Variants in BASP1 observed in about 807,000 individuals in gnomAD.
BASP1 encodes the protein brain acid soluble protein 1.
A neutral mutation model predicts 2.2 loss-of-function variants in BASP1; 1 was observed. That is an observed-to-expected ratio of 0.46 (90% CI 0.16 to 2.17). The LOEUF is 2.17. Ranked by LOEUF, BASP1 falls within the 30% of genes most tolerant of loss-of-function variation. The pLI is 0.27. For missense variants in BASP1, 352 were observed against 327.2 expected, an observed-to-expected ratio of 1.08 and a Z score of -0.58; for synonymous variants, 187 against 154.2, an observed-to-expected ratio of 1.21 and a Z score of -1.58.
intron 1 of BASP1, among the ~76,000 whole-genome samples, chr5:17,221,596 T>A (rs1579478063): frequency 6.6e-6 from 1 of 152,280 alleles, no homozygotes. Flanking sequence ...ACTGAGTAGA[T>A]ATATAGACAA....
At chr5:17,271,080 T>C (rs1740520434) in intron 1 of BASP1, among the ~76,000 whole-genome samples, 1 of 152,240 alleles carries the variant, frequency 6.6e-6, no homozygotes, top group Admixed American at 6.5e-5. Flanking sequence ...CCTGTCATTT[T>C]CGCCCTTGTG....
intron 1 of BASP1, among the ~76,000 whole-genome samples, chr5:17,254,861 C>T (rs1053034083): frequency 6.6e-6 from 1 of 152,120 alleles, no homozygotes; most frequent in African/African-American, 2.4e-5. Flanking sequence ...GTTGGATATC[C>T]TTATTGCAAG....
At chr5:17,265,845 C>T (rs540025450) in intron 1 of BASP1, among the ~76,000 whole-genome samples, 2 of 152,310 alleles carry the variant, frequency 1.3e-5, no homozygotes, top group East Asian at 3.9e-4. Context: ...TCTTTAAATA[C>T]TGCAGGAGTC....
intron 1 of BASP1, among the ~76,000 whole-genome samples, chr5:17,252,162 T>TG (rs1467610395): frequency 1.3e-5 from 2 of 152,172 alleles, no homozygotes; most frequent in African/African-American, 2.4e-5. Context: ...AAGCTGTGAC[T>TG]GGGGAGTAAG....
At chr5:17,268,319 A>G (rs988435549) in intron 1 of BASP1, among the ~76,000 whole-genome samples, 1 of 152,062 alleles carries the variant, frequency 6.6e-6, no homozygotes, top group Non-Finnish European at 1.5e-5. Flanking sequence ...TTTGCTATCT[A>G]CTCTTCCACC....
At chr5:17,227,928 C>A (rs1739549637) in intron 1 of BASP1, among the ~76,000 whole-genome samples, 1 of 152,152 alleles carries the variant, frequency 6.6e-6, no homozygotes, top group East Asian at 1.9e-4. Context: ...ACTTTAGAAA[C>A]CTGGTTCCAG....
intron 1 of BASP1, among the ~76,000 whole-genome samples, chr5:17,257,166 C>G (rs1297530709): frequency 1.3e-5 from 2 of 152,126 alleles, no homozygotes; most frequent in Non-Finnish European, 2.9e-5. Context: ...ATTTGTATTC[C>G]TGGATGGCAT....
chr5:17,253,187 T>C (rs1455498408), intron 1 of BASP1, among the ~76,000 whole-genome samples: 1 of 152,226 alleles, frequency 6.6e-6, no homozygotes, highest in Non-Finnish European at 1.5e-5. Context: ...AGGACTTATC[T>C]CTGTAATGAT....
intron 1 of BASP1, among the ~76,000 whole-genome samples, chr5:17,221,396 A>G (rs1032144949): frequency 7.3e-5 from 11 of 150,228 alleles, no homozygotes; most frequent in African/African-American, 2.4e-4. Flanking sequence ...AAATATCCAA[A>G]GAAGACCTGT....
At chr5:17,218,269 T>A (rs1324637127) in intron 1 of BASP1, among the ~76,000 whole-genome samples, 1 of 4,016 alleles carries the variant, frequency 2.5e-4, no homozygotes, top group Non-Finnish European at 4.6e-4. Flanking sequence ...CAGCCAAAGA[T>A]GGAGGGTGGG....
intron 1 of BASP1, among the ~76,000 whole-genome samples, chr5:17,253,957 C>T (rs2937755): frequency 0.2 from 30,227 of 151,434 alleles, 3,322 homozygotes; most frequent in East Asian, 0.4. Context: ...AAAAGATGTA[C>T]GTAGCTATTT....
chr5:17,220,220 A>G (rs1739370297), intron 1 of BASP1, among the ~76,000 whole-genome samples: 2 of 152,128 alleles, frequency 1.3e-5, no homozygotes. Context: ...TTAATATATC[A>G]GGGCCCATCT....
intron 1 of BASP1, among the ~76,000 whole-genome samples, chr5:17,228,004 T>C (rs1223735497): frequency 3.3e-5 from 5 of 152,212 alleles, no homozygotes; most frequent in Non-Finnish European, 7.3e-5. Flanking sequence ...CTCCAGAAGG[T>C]TGTTAAGACA....
chr5:17,240,166 A>ATAAATAAT (rs1027606785), intron 1 of BASP1, among the ~76,000 whole-genome samples: 58 of 147,286 alleles, frequency 3.9e-4, no homozygotes, highest in African/African-American at 1.4e-3. Flanking sequence ...AAATAAATAA[A>ATAAATAAT]TAACAGGTTG....
rs192152760 is a variant in BASP1, at chr5:17,262,567, A to G, written c.-9-12641A>G. On this transcript the variant is annotated intron_variant, in intron 1 of 1. Coordinates refer to ENST00000322611, the MANE Select transcript of BASP1 (RefSeq NM_006317.5). Reference sequence around the variant, plus strand: ...TTGATATGTGTAAAGATAAGTATCAAAACAGTCTTATGCTGAGTGTATATG... The same window carrying G: ...TTGATATGTGTAAAGATAAGTATCAGAACAGTCTTATGCTGAGTGTATATG... Among the ~76,000 whole-genome samples the G allele has an allele frequency of 4.0e-3, 603 of 152,358 alleles. 4 individuals carry two copies. Among genetic ancestry groups the G allele is most frequent in the African/African-American group, 0.014 (571 of 41,586 alleles).
intron 1 of BASP1, among the ~76,000 whole-genome samples, chr5:17,226,912 C>A (rs1423740170): frequency 6.7e-6 from 1 of 149,814 alleles, no homozygotes; most frequent in Non-Finnish European, 1.5e-5. Context: ...CTGGAATCTT[C>A]TCTGAATAAC....
At chr5:17,241,331 C>T (rs958030523) in intron 1 of BASP1, among the ~76,000 whole-genome samples, 1 of 152,094 alleles carries the variant, frequency 6.6e-6, no homozygotes, top group Non-Finnish European at 1.5e-5. Flanking sequence ...AACTCCAGGC[C>T]TCAAGTGATC....
At chr5:17,246,849 A>G (rs921124895) in intron 1 of BASP1, among the ~76,000 whole-genome samples, 1 of 152,158 alleles carries the variant, frequency 6.6e-6, no homozygotes, top group Non-Finnish European at 1.5e-5. Context: ...GGCAGTGACC[A>G]TTGAGAATCA....
intron 1 of BASP1, among the ~76,000 whole-genome samples, chr5:17,229,751 G>A (rs1265566679): frequency 6.6e-6 from 1 of 150,916 alleles, no homozygotes; most frequent in African/African-American, 2.4e-5. Flanking sequence ...TCTGCAGGCT[G>A]GAAGTCCAAG....
Sources: gnomAD v4.1 joint callset for allele counts (sites outside exome capture counted in the v4.1 genomes callset) on GRCh38, gnomAD v4.1.1 for gene constraint, MANE v1.5 for transcripts, NCBI Gene and HGNC (gene_info 2026-07-23, HGNC 2026-07-21) for gene names.